Variants in PEAK1 observed in about 807,000 individuals in gnomAD.
The protein encoded by PEAK1 is inactive tyrosine-protein kinase PEAK1.
PEAK1 carries 54 observed loss-of-function variants against 124.7 expected under a neutral mutation model. That is an observed-to-expected ratio of 0.43 (90% CI 0.35 to 0.54). The LOEUF is 0.54. PEAK1 is among the 20% of genes least tolerant of loss of function. PEAK1 has a pLI of 0.01. For missense variants in PEAK1, 2,046 were observed against 2,134.5 expected (o/e 0.96, Z 0.82); for synonymous variants, 719 against 760.0 (o/e 0.95, Z 0.89).
intron 1 of PEAK1, among the ~76,000 whole-genome samples, chr15:77,393,800 A>C (rs1382739076): frequency 2.0e-5 from 3 of 152,194 alleles, no homozygotes; most frequent in Non-Finnish European, 2.9e-5. Flanking sequence ...GCCACAGTGG[A>C]ATACAGCACC....
intron 4 of PEAK1, among the ~76,000 whole-genome samples, chr15:77,284,740 T>C (rs962090872): frequency 6.6e-6 from 1 of 152,146 alleles, no homozygotes; most frequent in African/African-American, 2.4e-5. Flanking sequence ...GCTATTTGTT[T>C]GGTTTGTGTA....
intron 5 of PEAK1, among the ~76,000 whole-genome samples, chr15:77,279,495 G>A (rs2062545757): frequency 6.6e-6 from 1 of 152,148 alleles, no homozygotes; most frequent in South Asian, 2.1e-4. Flanking sequence ...TGATACCACT[G>A]AGATGGAGCC....
Position 77,179,327 on chromosome 15 carries a change from G to A in PEAK1, c.2600C>T (p.Pro867Leu). The change falls in exon 7 of 10, where the codon CCA becomes CTA. Residue 867 changes from proline to leucine, a missense_variant. Coordinates refer to ENST00000682557, the MANE Select transcript of PEAK1 (RefSeq NM_001385026.1). ...AGAGCGTGGCGGGGGAAAGGGAGCTGGTGGCTCACTTTGGGGGCTAGTCAC... is the reference window on the plus strand; with the variant it reads ...AGAGCGTGGCGGGGGAAAGGGAGCTAGTGGCTCACTTTGGGGGCTAGTCAC... ...KLVTSPQSEP[P>L]APFPPPRSTS... The A allele has an allele frequency of 6.2e-7, 1 of 1,614,028 alleles. No homozygotes were observed. Among genetic ancestry groups the A allele is most frequent in the Non-Finnish European group, 8.5e-7 (1 of 1,179,992 alleles).
At chr15:77,137,418 A>G (rs979950737) in intron 8 of PEAK1, among the ~76,000 whole-genome samples, 1 of 152,238 alleles carries the variant, frequency 6.6e-6, no homozygotes, top group Admixed American at 6.5e-5. Flanking sequence ...GAGGGAGGCT[A>G]TACCCTGCAA....
At chr15:77,125,623 C>A (rs2052310975) in intron 9 of PEAK1, among the ~76,000 whole-genome samples, 1 of 152,154 alleles carries the variant, frequency 6.6e-6, no homozygotes, top group Admixed American at 6.5e-5. Context: ...ATAGAAAAGG[C>A]AAGTAATGGC....
At chr15:77,345,980 C>T (rs774147013) in intron 2 of PEAK1, 1 of 985,270 alleles carries the variant, frequency 1.0e-6, no homozygotes, top group South Asian at 4.7e-5. Context: ...AAAAAGAATA[C>T]AACTGAATAA....
chr15:77,416,282 T>C (rs1018282332), intron 1 of PEAK1, among the ~76,000 whole-genome samples: 1 of 152,210 alleles, frequency 6.6e-6, no homozygotes, highest in African/African-American at 2.4e-5. Flanking sequence ...CCCAATCTAC[T>C]CAGCGGATCA....
In PEAK1 at chr15:77,113,886, G is replaced by C. The variant is rs1235653588; in HGVS notation, c.*270C>G. ...AGAATATGGATTTTCATTTTTACCT[G>C]CATTTATGGGACTATTAGGATAGAA... On this transcript the variant is annotated 3_prime_UTR_variant, in exon 10 of 10. Transcript: ENST00000682557. The C allele has an allele frequency of 6.8e-6, 3 of 442,170 alleles. No individual in the cohort carries two copies. Among genetic ancestry groups the C allele is most frequent in the Non-Finnish European group, 1.2e-5 (3 of 248,756 alleles). 27.4% of individuals were successfully genotyped at this position (442,170 alleles called of 1,614,324 possible). A position where few individuals can be genotyped will look rare whatever the true frequency, so the allele number is the denominator to read the frequency against.
At chr15:77,318,997 A>T (rs2065038778) in intron 2 of PEAK1, among the ~76,000 whole-genome samples, 1 of 152,218 alleles carries the variant, frequency 6.6e-6, no homozygotes, top group Non-Finnish European at 1.5e-5. Flanking sequence ...ATTCAAAAGT[A>T]AAGCTTTGCC....
chr15:77,145,644 A>G (rs1326768350), intron 8 of PEAK1, among the ~76,000 whole-genome samples: 3 of 152,230 alleles, frequency 2.0e-5, no homozygotes, highest in Admixed American at 6.5e-5. Flanking sequence ...TCTCATAGGT[A>G]GCTCACAGAA....
intron 1 of PEAK1, chr15:77,402,749 G>A (rs2071481410): frequency 2.0e-6 from 2 of 985,194 alleles, no homozygotes; most frequent in African/African-American, 1.7e-5. Context: ...AAACAATAAA[G>A]CAGACTTTCA....
chr15:77,264,804 C>T (rs1190738809), intron 5 of PEAK1, among the ~76,000 whole-genome samples: 1 of 151,934 alleles, frequency 6.6e-6, no homozygotes, highest in African/African-American at 2.4e-5. Flanking sequence ...CAAGTCAATC[C>T]TAAGCCAAAA....
intron 8 of PEAK1, among the ~76,000 whole-genome samples, chr15:77,154,854 A>C (rs1198748963): frequency 6.6e-6 from 1 of 151,854 alleles, no homozygotes; most frequent in Non-Finnish European, 1.5e-5. Flanking sequence ...CCAAGAGATC[A>C]GCTGTTAGTC....
intron 1 of PEAK1, among the ~76,000 whole-genome samples, chr15:77,397,065 A>C (rs1377722395): frequency 6.6e-6 from 1 of 152,202 alleles, no homozygotes; most frequent in Non-Finnish European, 1.5e-5. Flanking sequence ...TTAGGCCACA[A>C]AACCATTCTT....
intron 6 of PEAK1, among the ~76,000 whole-genome samples, chr15:77,243,123 G>A (rs1340191589): frequency 6.6e-6 from 1 of 152,170 alleles, no homozygotes; most frequent in Non-Finnish European, 1.5e-5. Flanking sequence ...GCTGAGAAAT[G>A]CTTTCCCTAG....
intron 6 of PEAK1, among the ~76,000 whole-genome samples, chr15:77,232,906 C>T (rs922185764): frequency 3.3e-5 from 5 of 152,036 alleles, no homozygotes; most frequent in South Asian, 4.1e-4. Flanking sequence ...CCACCACACC[C>T]GGCTAATTTT....
intron 1 of PEAK1, among the ~76,000 whole-genome samples, chr15:77,369,526 C>G (rs893389278): frequency 6.6e-6 from 1 of 152,038 alleles, no homozygotes. Flanking sequence ...CAGCCCAGGG[C>G]CTGTTTTTGT....
chr15:77,362,142 T>G (rs2067930961), intron 2 of PEAK1, among the ~76,000 whole-genome samples: 1 of 152,102 alleles, frequency 6.6e-6, no homozygotes, highest in Non-Finnish European at 1.5e-5. Flanking sequence ...AATATGTAGT[T>G]TCAAATAGCT....
At chr15:77,134,756 A>T (rs900159335) in intron 8 of PEAK1, among the ~76,000 whole-genome samples, 2 of 152,214 alleles carry the variant, frequency 1.3e-5, no homozygotes, top group Admixed American at 1.3e-4. Context: ...TCTCAGAGTT[A>T]TAAGGCTCTG....
Sources: gnomAD v4.1 joint callset for allele counts (sites outside exome capture counted in the v4.1 genomes callset) on GRCh38, gnomAD v4.1.1 for gene constraint, MANE v1.5 for transcripts, NCBI Gene and HGNC (gene_info 2026-07-23, HGNC 2026-07-21) for gene names.